ALDH1A1: variants seen among roughly 807,000 people sequenced by gnomAD.
ALDH1A1 encodes the protein aldehyde dehydrogenase 1 family member A1, also known as aldehyde dehydrogenase 1A1.
ALDH1A1 carries 19 observed loss-of-function variants against 62.1 expected under a neutral mutation model. The ratio of observed to expected loss-of-function variants is 0.31; its 90% CI spans 0.21 to 0.45. ALDH1A1 has a LOEUF of 0.45. ALDH1A1 is among the 20% of genes least tolerant of loss of function. The pLI, the probability that ALDH1A1 is intolerant of heterozygous loss-of-function variation, is 1.00. For missense variants in ALDH1A1, 521 were observed against 607.1 expected (o/e 0.86, Z 1.49); for synonymous variants, 231 against 215.9 (o/e 1.07, Z -0.61).
chr9:72,917,546 A>G (rs1391672133), intron 8 of ALDH1A1, among the ~76,000 whole-genome samples: 1 of 152,148 alleles, frequency 6.6e-6, no homozygotes, highest in Non-Finnish European at 1.5e-5. Context: ...CTCAACAGGA[A>G]ATGTGATCTT....
chr9:72,903,383 A>G lies in ALDH1A1; in HGVS notation c.1434-2103T>C, dbSNP rs1441681288. 3.3e-5 allele frequency among the ~76,000 whole-genome samples: 5 copies of G among 152,192 alleles called. No individual in the cohort carries two copies. In the East Asian group the frequency reaches 9.6e-4, roughly 29 times the overall value. ...CACCTTCAAACACACTGGGGTCTGC[A>G]TAACACCATTTTTCGCTCTTTGAGG... On this transcript the variant is annotated intron_variant, in intron 12 of 12. Transcript: ENST00000297785.
At chr9:72,929,397 G>A (rs187073448) in intron 3 of ALDH1A1, among the ~76,000 whole-genome samples, 63 of 152,212 alleles carry the variant, frequency 4.1e-4, no homozygotes, top group Admixed American at 7.2e-4. Flanking sequence ...ATCAACTGTG[G>A]GTGACAACTT....
At chr9:72,951,576 T>C (rs1304070146) in intron 1 of ALDH1A1, among the ~76,000 whole-genome samples, 1 of 151,834 alleles carries the variant, frequency 6.6e-6, no homozygotes, top group East Asian at 1.9e-4. Flanking sequence ...TTGAGCTTCA[T>C]GAAATGTATT....
intron 1 of ALDH1A1, chr9:72,942,378 C>T: frequency 1.0e-6 from 1 of 985,262 alleles, no homozygotes; most frequent in Non-Finnish European, 1.2e-6. Flanking sequence ...CACACTGTCC[C>T]CCAGCCCTAT....
chr9:72,917,520 A>T (rs1212633823), intron 8 of ALDH1A1, among the ~76,000 whole-genome samples: 1 of 152,176 alleles, frequency 6.6e-6, no homozygotes, highest in East Asian at 1.9e-4. Context: ...ATTTCAAAAG[A>T]TTCTTAAATA....
At chr9:72,909,036 A>C (rs1369805415) in intron 11 of ALDH1A1, among the ~76,000 whole-genome samples, 1 of 152,078 alleles carries the variant, frequency 6.6e-6, no homozygotes, top group Non-Finnish European at 1.5e-5. Context: ...GTGCTCAGAA[A>C]TTACTTGGCA....
intron 1 of ALDH1A1, among the ~76,000 whole-genome samples, chr9:72,944,933 T>C (rs8187890): frequency 0.1 from 15,317 of 152,094 alleles, 978 homozygotes; most frequent in African/African-American, 0.18. Context: ...AAGCAATCAA[T>C]AGAAATGTTG....
chr9:72,921,256 A>T (rs1830139310), intron 7 of ALDH1A1, among the ~76,000 whole-genome samples: 1 of 151,924 alleles, frequency 6.6e-6, no homozygotes, highest in South Asian at 2.1e-4. Context: ...AAAAAAAAAA[A>T]AAAAATTCTT....
chr9:72,941,191 G>A (rs1168686123), intron 1 of ALDH1A1, among the ~76,000 whole-genome samples: 1 of 152,082 alleles, frequency 6.6e-6, no homozygotes, highest in African/African-American at 2.4e-5. Flanking sequence ...ATATGTGCTG[G>A]ATTATAACAT....
At chr9:72,929,475 C>T (rs2017362) in intron 3 of ALDH1A1, among the ~76,000 whole-genome samples, 54,127 of 152,060 alleles carry the variant, frequency 0.36, 9,789 homozygotes, top group East Asian at 0.53. Context: ...TGGATATACA[C>T]AGTCTACTCA....
chr9:72,917,498 T>C (rs1209862367), intron 8 of ALDH1A1, among the ~76,000 whole-genome samples: 1 of 152,142 alleles, frequency 6.6e-6, no homozygotes, highest in Non-Finnish European at 1.5e-5. Context: ...GACATGTCTA[T>C]CGAATTAAAT....
intron 2 of ALDH1A1, among the ~76,000 whole-genome samples, chr9:72,932,222 A>G (rs966202856): frequency 6.6e-6 from 1 of 152,224 alleles, no homozygotes; most frequent in African/African-American, 2.4e-5. Context: ...ATTTTGCAGG[A>G]GACACAATTC....
chr9:72,904,490 T>A (rs1420366626), intron 12 of ALDH1A1, among the ~76,000 whole-genome samples: 1 of 152,092 alleles, frequency 6.6e-6, no homozygotes, highest in Non-Finnish European at 1.5e-5. Flanking sequence ...CTAACTGATA[T>A]CCTACACTTG....
intron 2 of ALDH1A1, among the ~76,000 whole-genome samples, chr9:72,939,587 G>A (rs1190281644): frequency 1.4e-5 from 2 of 145,602 alleles, no homozygotes; most frequent in East Asian, 2.0e-4. Context: ...GTATGATCTC[G>A]GCTCACTGCA....
chr9:72,929,213 G>C (rs113847068), intron 3 of ALDH1A1, among the ~76,000 whole-genome samples, 192 bp from the exon 4 acceptor site: 2 of 152,116 alleles, frequency 1.3e-5, no homozygotes, highest in Non-Finnish European at 2.9e-5. Flanking sequence ...GGGCACAAAG[G>C]GTAGTGAGAT....
At chr9:72,952,787 T>C (rs1445887708) in intron 1 of ALDH1A1, 148 bp downstream of exon 1, 9 of 771,116 alleles carry the variant, frequency 1.2e-5, no homozygotes, top group Non-Finnish European at 1.8e-5. Flanking sequence ...ATCAGGACAC[T>C]AAACTGAGAC....
At chr9:72,910,331 C>A (rs766018572) in intron 10 of ALDH1A1, among the ~76,000 whole-genome samples, 1 of 152,070 alleles carries the variant, frequency 6.6e-6, no homozygotes, top group Non-Finnish European at 1.5e-5. Context: ...AGGTAAACAT[C>A]ACGAACTTTT....
At chr9:72,916,194 C>A (rs986706459) in intron 9 of ALDH1A1, among the ~76,000 whole-genome samples, 2 of 152,040 alleles carry the variant, frequency 1.3e-5, no homozygotes, top group African/African-American at 2.4e-5. Flanking sequence ...GTGAGGGGAG[C>A]AAAATTGCCC....
At chr9:72,913,982 G>A (rs561193627) in intron 9 of ALDH1A1, among the ~76,000 whole-genome samples, 1 of 152,308 alleles carries the variant, frequency 6.6e-6, no homozygotes, top group Admixed American at 6.5e-5. Context: ...GCATCAGGCT[G>A]ACCATATATA....
Sources: gnomAD v4.1 joint callset for allele counts (sites outside exome capture counted in the v4.1 genomes callset) on GRCh38, gnomAD v4.1.1 for gene constraint, MANE v1.5 for transcripts, NCBI Gene and HGNC (gene_info 2026-07-23, HGNC 2026-07-21) for gene names.